Variants in NTNG1 observed in about 807,000 individuals in gnomAD.
NTNG1 encodes netrin G1, also known as netrin-G1.
A neutral mutation model predicts 54.0 loss-of-function variants in NTNG1; 16 were observed. The observed-to-expected ratio is 0.30, with a 90% CI of 0.20 to 0.45. The LOEUF is 0.45. Among genes scored for constraint, NTNG1 ranks in the 20% least tolerant of loss-of-function variants. The pLI is 1.00. For missense variants in NTNG1, 530 were observed against 678.7 expected (o/e 0.78, Z 2.43); for synonymous variants, 255 against 263.1 (o/e 0.97, Z 0.30).
At chr1:107,359,421 G>A (rs1406305504) in intron 3 of NTNG1, among the ~76,000 whole-genome samples, 2 of 152,166 alleles carry the variant, frequency 1.3e-5, no homozygotes, top group Non-Finnish European at 2.9e-5. Context: ...TGGCTTAAGA[G>A]AAGCCTTAGT....
intron 7 of NTNG1, among the ~76,000 whole-genome samples, chr1:107,468,365 C>A (rs1347691305): frequency 6.6e-6 from 1 of 152,080 alleles, no homozygotes; most frequent in East Asian, 1.9e-4. Flanking sequence ...TAAAAAAACG[C>A]GTATTTGAAT....
rs201080607 is a variant in NTNG1, at chr1:107,148,878, A to G, written c.246+39A>G. ...TTTGCATAAAATATTTCATATAAAT[A>G]GGGTCTAATCGCATATGCATACAGA... On this transcript the variant is annotated intron_variant, in intron 2 of 7. Transcript: ENST00000370068. The G allele has an allele frequency of 3.8e-5, 61 of 1,596,376 alleles. No homozygotes were observed. In the African/African-American group the frequency reaches 7.0e-4, roughly 18 times the overall value.
intron 2 of NTNG1, among the ~76,000 whole-genome samples, chr1:107,205,463 T>G (rs1570844767): frequency 1.3e-5 from 2 of 152,184 alleles, no homozygotes; most frequent in African/African-American, 4.8e-5. Context: ...TAGTTATGGC[T>G]TTTTTATTTT....
chr1:107,413,128 CTTTT>C (rs774374577), intron 5 of NTNG1, among the ~76,000 whole-genome samples: 9 of 148,250 alleles, frequency 6.1e-5, no homozygotes, highest in African/African-American at 1.7e-4. Flanking sequence ...CTTTTCTTTT[CTTTT>C]CTGTTTTTTG....
chr1:107,168,366 A>C (rs1336646804), intron 2 of NTNG1, among the ~76,000 whole-genome samples: 2 of 152,096 alleles, frequency 1.3e-5, no homozygotes, highest in African/African-American at 4.8e-5. Flanking sequence ...CGATGAAGTA[A>C]GACACTACAT....
At chr1:107,351,484 G>A (rs1350494473) in intron 3 of NTNG1, among the ~76,000 whole-genome samples, 2 of 152,070 alleles carry the variant, frequency 1.3e-5, no homozygotes, top group East Asian at 1.9e-4. Flanking sequence ...AGAAAGATGG[G>A]GGCAGTGCTA....
chr1:107,388,498 T>C (rs373198877), intron 3 of NTNG1, among the ~76,000 whole-genome samples: 1 of 152,212 alleles, frequency 6.6e-6, no homozygotes, highest in Non-Finnish European at 1.5e-5. Flanking sequence ...AATATTCAAA[T>C]GCATGATCAT....
At chr1:107,397,384 A>C (rs1557964770) in intron 4 of NTNG1, among the ~76,000 whole-genome samples, 1 of 152,184 alleles carries the variant, frequency 6.6e-6, no homozygotes, top group Non-Finnish European at 1.5e-5. Context: ...AATCTCTGAC[A>C]CATCAGACTC....
chr1:107,478,018 T>C (rs895695408), intron 7 of NTNG1, among the ~76,000 whole-genome samples: 1 of 152,242 alleles, frequency 6.6e-6, no homozygotes, highest in Non-Finnish European at 1.5e-5. Context: ...AAGTGCAAGG[T>C]TGAGCACACT....
At chr1:107,402,857 C>A (rs949565161) in intron 4 of NTNG1, among the ~76,000 whole-genome samples, 1 of 152,116 alleles carries the variant, frequency 6.6e-6, no homozygotes, top group Non-Finnish European at 1.5e-5. Flanking sequence ...TAGTTACCCA[C>A]TTGATGGGTT....
intron 3 of NTNG1, among the ~76,000 whole-genome samples, chr1:107,350,613 G>A (rs1387480875): frequency 6.6e-6 from 1 of 152,094 alleles, no homozygotes; most frequent in Non-Finnish European, 1.5e-5. Flanking sequence ...ACAGATGAAT[G>A]GATAAGGAAA....
At chr1:107,315,401 A>G (rs1406952110) in intron 2 of NTNG1, among the ~76,000 whole-genome samples, 1 of 152,092 alleles carries the variant, frequency 6.6e-6, no homozygotes, top group East Asian at 1.9e-4. Flanking sequence ...TGTAAATCAA[A>G]TTGTGGCAGG....
chr1:107,345,828 A>G (rs181993441), intron 3 of NTNG1, among the ~76,000 whole-genome samples: 217 of 152,320 alleles, frequency 1.4e-3, no homozygotes, highest in African/African-American at 4.7e-3. Context: ...TGTATGTGAC[A>G]TGGTGAGCAA....
chr1:107,392,874 C>G (rs1672452527), intron 3 of NTNG1, among the ~76,000 whole-genome samples: 1 of 152,008 alleles, frequency 6.6e-6, no homozygotes, highest in Admixed American at 6.6e-5. Flanking sequence ...TTAAGGAAAT[C>G]AGAAGAGTAG....
chr1:107,216,773 G>A (rs1184335809), intron 2 of NTNG1, among the ~76,000 whole-genome samples: 1 of 151,812 alleles, frequency 6.6e-6, no homozygotes, highest in Non-Finnish European at 1.5e-5. Flanking sequence ...TACCTCCTGG[G>A]TTCAAGCAGT....
chr1:107,173,497 C>T lies in NTNG1; in HGVS notation c.246+24658C>T, dbSNP rs578125913. 2.2e-3 allele frequency among the ~76,000 whole-genome samples: 329 copies of T among 152,224 alleles called. 1 individual carries two copies. Among genetic ancestry groups the T allele is most frequent in the African/African-American group, 7.4e-3 (307 of 41,572 alleles). ...TGACAACAAAGTATGATCCACAACA[C>T]TTCGCTTTGCCTGAAAAACTATATG... On this transcript the variant is annotated intron_variant, in intron 2 of 7. Transcript: ENST00000370068.
At chr1:107,143,796 T>C (rs4481881) in intron 1 of NTNG1, among the ~76,000 whole-genome samples, 84,888 of 151,914 alleles carry the variant, frequency 0.56, 26,159 homozygotes, top group African/African-American at 0.84. Flanking sequence ...GGTAATTAAA[T>C]TCCAGATTTC....
At chr1:107,425,363 C>A (rs1248211913) in intron 5 of NTNG1, among the ~76,000 whole-genome samples, 1 of 151,956 alleles carries the variant, frequency 6.6e-6, no homozygotes, top group Non-Finnish European at 1.5e-5. Context: ...TGCTCACAGT[C>A]TATTTTTTCC....
rs142905566 is a variant in NTNG1, at chr1:107,168,709, C to T, written c.246+19870C>T. Among the ~76,000 whole-genome samples the T allele has an allele frequency of 8.5e-4, 129 of 152,230 alleles. 1 individual carries two copies. The highest frequency in any genetic ancestry group is 7.0e-3 in the Admixed American group (107 of 15,270). Reference sequence around the variant, plus strand: ...TCTGTGATTTCACTCCTATTTGGCTCAATCCTCCAAACTCAGGACAGGCCC... The same window carrying T: ...TCTGTGATTTCACTCCTATTTGGCTTAATCCTCCAAACTCAGGACAGGCCC... On this transcript the variant is annotated intron_variant, in intron 2 of 7. Coordinates refer to ENST00000370068, the MANE Select transcript of NTNG1 (RefSeq NM_001113226.3).
Sources: gnomAD v4.1 joint callset for allele counts (sites outside exome capture counted in the v4.1 genomes callset) on GRCh38, gnomAD v4.1.1 for gene constraint, MANE v1.5 for transcripts, NCBI Gene and HGNC (gene_info 2026-07-23, HGNC 2026-07-21) for gene names.